The following PPP3CA variants were observed in gnomAD, a reference collection of about 807,000 sequenced individuals.
PPP3CA encodes the protein CAM-PRP catalytic subunit.
PPP3CA carries 14 observed loss-of-function variants against 66.5 expected under a neutral mutation model. That is an observed-to-expected ratio of 0.21 (90% CI 0.14 to 0.33). The LOEUF (loss-of-function observed/expected upper bound fraction) is 0.33. PPP3CA is among the 10% of genes least tolerant of loss of function. PPP3CA has a pLI of 1.00. For synonymous variants in PPP3CA, 232 were observed against 226.2 expected, an observed-to-expected ratio of 1.03 and a Z score of -0.23; for missense variants, 317 against 639.5, an observed-to-expected ratio of 0.50 and a Z score of 5.44.
chr4:101,250,324 C>G (rs746913985), intron 1 of PPP3CA: 9 of 456,280 alleles, frequency 2.0e-5, no homozygotes, highest in South Asian at 1.4e-4. Context: ...CTGTTTTATA[C>G]TGTACCTGTG....
At chr4:101,264,372 C>T (rs985345199) in intron 1 of PPP3CA, among the ~76,000 whole-genome samples, 9 of 151,624 alleles carry the variant, frequency 5.9e-5, no homozygotes, top group Admixed American at 1.3e-4. Context: ...TTTTTTTAAT[C>T]TTTAGTTTAA....
chr4:101,051,178 G>T (rs1236596992), intron 10 of PPP3CA, among the ~76,000 whole-genome samples: 1 of 152,130 alleles, frequency 6.6e-6, no homozygotes, highest in Non-Finnish European at 1.5e-5. Flanking sequence ...ATCTTCTCAT[G>T]AGCTAAGAAT....
intron 8 of PPP3CA, among the ~76,000 whole-genome samples, chr4:101,072,802 G>T (rs2110233463): frequency 1.3e-5 from 2 of 151,748 alleles, no homozygotes; most frequent in Middle Eastern, 3.4e-3. Flanking sequence ...CAGGCGTGGT[G>T]GTGGGTGCCT....
intron 1 of PPP3CA, chr4:101,250,280 C>T (rs926720857): frequency 2.2e-6 from 1 of 448,850 alleles, no homozygotes; most frequent in Non-Finnish European, 4.5e-6. Flanking sequence ...TACAGTCAGA[C>T]AGACCTGAAT....
intron 1 of PPP3CA, among the ~76,000 whole-genome samples, chr4:101,250,564 C>T (rs951943881): frequency 6.6e-6 from 1 of 152,152 alleles, no homozygotes; most frequent in South Asian, 2.1e-4. Flanking sequence ...GCTTAACTTA[C>T]TGGCAGCTTG....
intron 11 of PPP3CA, among the ~76,000 whole-genome samples, chr4:101,035,346 T>C (rs1200671140): frequency 6.6e-6 from 1 of 152,062 alleles, no homozygotes. Flanking sequence ...CCCATAATGC[T>C]CTGAGAAAGC....
At chr4:101,188,329 T>C (rs1199988074) in intron 2 of PPP3CA, among the ~76,000 whole-genome samples, 1 of 152,088 alleles carries the variant, frequency 6.6e-6, no homozygotes, top group Non-Finnish European at 1.5e-5. Flanking sequence ...AAAGAAAACT[T>C]GGTTAATCAT....
At chr4:101,327,670 T>C (rs575581696) in intron 1 of PPP3CA, among the ~76,000 whole-genome samples, 1 of 148,428 alleles carries the variant, frequency 6.7e-6, no homozygotes, top group Non-Finnish European at 1.5e-5. Context: ...ATTAGCTGTA[T>C]ATGTATTATA....
chr4:101,067,827 T>C (rs1728748563), intron 8 of PPP3CA, among the ~76,000 whole-genome samples: 1 of 150,094 alleles, frequency 6.7e-6, no homozygotes, highest in African/African-American at 2.4e-5. Flanking sequence ...ATAATAATAA[T>C]AATAATAATA....
intron 10 of PPP3CA, among the ~76,000 whole-genome samples, chr4:101,049,166 C>G (rs546652227): frequency 7.9e-5 from 12 of 152,084 alleles, no homozygotes; most frequent in Non-Finnish European, 1.3e-4. Flanking sequence ...ATTCCATGCA[C>G]TTTTGTTCTC....
rs149957988 is a variant in PPP3CA, at chr4:101,108,904, A to G, written c.384+50T>C. On this transcript the variant is annotated intron_variant, in intron 3 of 13. Transcript: ENST00000394854. ...CATTTACTGCTTTTATTTTTTTGAGATACTGTTAATCCATAACTGAACAGC... is the reference window on the plus strand; with the variant it reads ...CATTTACTGCTTTTATTTTTTTGAGGTACTGTTAATCCATAACTGAACAGC... 1.9e-6 allele frequency: 3 copies of G among 1,546,790 alleles called. No homozygotes were observed. The African/African-American group carries it at 4.1e-5, about 21-fold the overall frequency.
intron 1 of PPP3CA, among the ~76,000 whole-genome samples, chr4:101,288,849 A>AAC (rs141844747): frequency 9.3e-4 from 141 of 152,110 alleles, no homozygotes; most frequent in Middle Eastern, 6.8e-3. Context: ...CCCCCTAGAA[A>AAC]ACACACACAC....
At chr4:101,079,248 A>G (rs1162206927) in intron 8 of PPP3CA, among the ~76,000 whole-genome samples, 1 of 152,216 alleles carries the variant, frequency 6.6e-6, no homozygotes, top group East Asian at 1.9e-4. Flanking sequence ...TCATTTATGA[A>G]GGGGCATGGC....
At chr4:101,101,893 A>T (rs1358103744) in intron 3 of PPP3CA, among the ~76,000 whole-genome samples, 1 of 152,156 alleles carries the variant, frequency 6.6e-6, no homozygotes, top group Non-Finnish European at 1.5e-5. Context: ...TTAAAATCTA[A>T]ACTGGAACTT....
chr4:101,163,426 G>A (rs1292529394), intron 2 of PPP3CA, among the ~76,000 whole-genome samples: 1 of 152,278 alleles, frequency 6.6e-6, no homozygotes, highest in East Asian at 1.9e-4. Flanking sequence ...TGGCCCACAA[G>A]TCAAAGTTGT....
chr4:101,220,303 T>TTA (rs1165153093), intron 1 of PPP3CA, among the ~76,000 whole-genome samples: 3 of 151,158 alleles, frequency 2.0e-5, no homozygotes, highest in Admixed American at 6.6e-5. Context: ...CAGCACGTTT[T>TTA]TTTTTTTATT....
intron 2 of PPP3CA, among the ~76,000 whole-genome samples, chr4:101,133,447 C>T (rs1249446850): frequency 6.6e-6 from 1 of 152,090 alleles, no homozygotes; most frequent in Non-Finnish European, 1.5e-5. Flanking sequence ...TTTTCCTATA[C>T]ACCAATAATA....
intron 2 of PPP3CA, among the ~76,000 whole-genome samples, chr4:101,122,905 T>C (rs1386294167): frequency 6.6e-6 from 1 of 152,220 alleles, no homozygotes; most frequent in Non-Finnish European, 1.5e-5. Flanking sequence ...GCTGCATTAC[T>C]ACAGTCACAA....
intron 9 of PPP3CA, 27 bp downstream of exon 9, chr4:101,063,205 A>G: frequency 6.2e-7 from 1 of 1,605,340 alleles, no homozygotes; most frequent in Non-Finnish European, 8.5e-7. Flanking sequence ...TATTTTAAGA[A>G]GAACATCTCA....
Sources: gnomAD v4.1 joint callset for allele counts (sites outside exome capture counted in the v4.1 genomes callset) on GRCh38, gnomAD v4.1.1 for gene constraint, MANE v1.5 for transcripts, NCBI Gene and HGNC (gene_info 2026-07-23, HGNC 2026-07-21) for gene names.